The following SYNPO2 variants were observed in gnomAD, a reference collection of about 807,000 sequenced individuals.
SYNPO2 encodes synaptopodin-2.
A neutral mutation model predicts 85.0 loss-of-function variants in SYNPO2; 56 were observed. The observed-to-expected ratio is 0.66, with a 90% CI of 0.53 to 0.82. The LOEUF is 0.82. SYNPO2 is among the 40% of genes least tolerant of loss of function. The pLI is 0.00. For synonymous variants in SYNPO2, 602 were observed against 591.1 expected, an observed-to-expected ratio of 1.02 and a Z score of -0.27; for missense variants, 1,575 against 1,534.2, an observed-to-expected ratio of 1.03 and a Z score of -0.44.
chr4:119,008,559 T>C (rs1421240212), intron 1 of SYNPO2, among the ~76,000 whole-genome samples: 1 of 152,160 alleles, frequency 6.6e-6, no homozygotes, highest in African/African-American at 2.4e-5. Flanking sequence ...GAACATTTAT[T>C]TGAAAAGAAA....
At chr4:118,870,943 A>G (rs1159281054) in intron 1 of SYNPO2, among the ~76,000 whole-genome samples, 1 of 152,234 alleles carries the variant, frequency 6.6e-6, no homozygotes, top group Non-Finnish European at 1.5e-5. Flanking sequence ...TTTATCACTC[A>G]CAGCAAGCTC....
chr4:118,975,210 A>G (rs780338436), intron 1 of SYNPO2, among the ~76,000 whole-genome samples: 1 of 152,202 alleles, frequency 6.6e-6, no homozygotes, highest in African/African-American at 2.4e-5. Flanking sequence ...TCATTGGGCT[A>G]AAGGAGCTAG....
chr4:118,940,226 C>T (rs1285828757), intron 1 of SYNPO2, among the ~76,000 whole-genome samples: 11 of 151,878 alleles, frequency 7.2e-5, no homozygotes, highest in Non-Finnish European at 1.5e-4. Context: ...CCTCATGATC[C>T]GTCCGTCTCA....
intron 1 of SYNPO2, among the ~76,000 whole-genome samples, chr4:119,013,376 G>C (rs1390252081): frequency 6.6e-6 from 1 of 152,126 alleles, no homozygotes; most frequent in East Asian, 1.9e-4. Context: ...AAAGCACTTT[G>C]GCTGGATACT....
intron 1 of SYNPO2, among the ~76,000 whole-genome samples, chr4:118,900,783 CTATA>C (rs1732729481): frequency 7.2e-6 from 1 of 139,388 alleles, no homozygotes; most frequent in Non-Finnish European, 1.5e-5. Flanking sequence ...ATCTATCTAT[CTATA>C]GATATTTGTC....
In SYNPO2 at chr4:119,027,415, A is replaced by C. The variant is rs1371603249; in HGVS notation, c.1046A>C (p.His349Pro). Reference sequence around the variant, plus strand: ...TCGGAAAAAGATCACAGCAGACCTCACAAGCACCGAGCGCGGCATGCACGT... The same window carrying C: ...TCGGAAAAAGATCACAGCAGACCTCCCAAGCACCGAGCGCGGCATGCACGT... ...PRSEKDHSRP[H>P]KHRARHARLR... is the part of the protein sequence containing the mutation. Residue 349 changes from histidine (H) to proline (P), a missense_variant, in exon 3 of 5, where the codon CAC becomes CCC. Transcript: ENST00000307142. 6.2e-7 allele frequency: 1 copy of C among 1,603,370 alleles called. No homozygotes were observed. The highest frequency in any genetic ancestry group is 1.3e-5 in the African/African-American group (1 of 74,694).
chr4:118,903,787 C>G (rs985397711), intron 1 of SYNPO2, among the ~76,000 whole-genome samples: 1 of 151,994 alleles, frequency 6.6e-6, no homozygotes, highest in Non-Finnish European at 1.5e-5. Flanking sequence ...TCTCGGCTCA[C>G]TGCAACCTCT....
chr4:119,034,308 G>A (rs1380786469), intron 4 of SYNPO2: 6 of 984,110 alleles, frequency 6.1e-6, no homozygotes, highest in Non-Finnish European at 7.2e-6. Flanking sequence ...GTCGGTTTGA[G>A]ATCATCGGCT....
chr4:119,022,772 T>TTA (rs1450805138), intron 1 of SYNPO2, among the ~76,000 whole-genome samples: 1 of 102,826 alleles, frequency 9.7e-6, no homozygotes, highest in Non-Finnish European at 2.2e-5. Context: ...ATATTTTATT[T>TTA]TATTTTATTT....
At position 118,883,013 on chromosome 4, in the gene SYNPO2, G is replaced by A. The variant is rs376209726; in HGVS notation, c.12+32073G>A. 3.3e-5 allele frequency among the ~76,000 whole-genome samples: 5 copies of A among 150,740 alleles called. 1 individual carries two copies. The highest frequency in any genetic ancestry group is 3.9e-4 in the East Asian group (2 of 5,144). The stretch of plus-strand genomic sequence containing the variant: ...CCTGACCTCGTGATCCGCCCTCCTC[G>A]GCCTCCCAAAGTGCTGGGATCACAG... On this transcript the variant is annotated intron_variant, in intron 1 of 4. Coordinates refer to the SYNPO2 transcript ENST00000610556.
chr4:118,869,402 C>T (rs1731761415), intron 1 of SYNPO2, among the ~76,000 whole-genome samples: 2 of 152,144 alleles, frequency 1.3e-5, no homozygotes, highest in Admixed American at 6.5e-5. Flanking sequence ...TGTCACTCTA[C>T]TTGTTAGTCA....
At chr4:118,877,682 T>C (rs761375264) in intron 1 of SYNPO2, among the ~76,000 whole-genome samples, 4 of 152,176 alleles carry the variant, frequency 2.6e-5, no homozygotes, top group African/African-American at 4.8e-5. Flanking sequence ...TCAGAATGGC[T>C]ATTATTAAAA....
intron 1 of SYNPO2, among the ~76,000 whole-genome samples, chr4:118,878,119 A>G (rs1280086075): frequency 6.6e-6 from 1 of 152,198 alleles, no homozygotes; most frequent in Non-Finnish European, 1.5e-5. Flanking sequence ...AAAACCAAGT[A>G]TCGCATGTTC....
intron 1 of SYNPO2, among the ~76,000 whole-genome samples, chr4:118,960,039 CCA>C (rs1735023335): frequency 6.6e-6 from 1 of 152,120 alleles, no homozygotes; most frequent in Non-Finnish European, 1.5e-5. Context: ...GGCAATGTGA[CCA>C]CAGAGGTAGA....
chr4:118,996,927 A>C (rs948085545), intron 1 of SYNPO2, among the ~76,000 whole-genome samples: 1 of 151,000 alleles, frequency 6.6e-6, no homozygotes, highest in Non-Finnish European at 1.5e-5. Flanking sequence ...AAAAGAAGTC[A>C]ATTAATTTTG....
chr4:118,946,687 G>T (rs189897570), intron 1 of SYNPO2, among the ~76,000 whole-genome samples: 2 of 152,150 alleles, frequency 1.3e-5, no homozygotes, highest in Admixed American at 1.3e-4. Context: ...GATTAATATT[G>T]TTAGAGATTG....
chr4:118,960,680 A>G (rs1016171949), intron 1 of SYNPO2, among the ~76,000 whole-genome samples: 4 of 152,046 alleles, frequency 2.6e-5, no homozygotes, highest in African/African-American at 9.7e-5. Flanking sequence ...TGGCTAGGAT[A>G]ATTTTTTAAT....
chr4:119,030,224 G>A lies in SYNPO2; in HGVS notation c.1449G>A (p.Met483Ile), dbSNP rs759691705. 9 of 1,614,038 alleles carry A rather than the reference G, an allele frequency of 5.6e-6. No homozygotes were observed. In the East Asian group the frequency reaches 8.9e-5, roughly 16 times the overall value. Residue 483 changes from methionine to isoleucine, a missense_variant, in exon 4 of 5, where the codon ATG (methionine) becomes ATA (isoleucine). Physicochemically the swap from Met to Ile is conservative, Grantham distance 10. Coordinates refer to ENST00000307142, the MANE Select transcript of SYNPO2 (RefSeq NM_133477.3). ...TGAACAGAGGGGACAAGATGGAGAT[G>A]TTACCAGACACCACAGGCAAGGGAG... is the stretch of plus-strand genomic sequence containing the variant. The part of the protein sequence containing the change: ...KKLNRGDKME[M>I]LPDTTGKGAL...
At chr4:118,991,270 C>A (rs543113373) in intron 1 of SYNPO2, among the ~76,000 whole-genome samples, 2 of 152,162 alleles carry the variant, frequency 1.3e-5, no homozygotes, top group Non-Finnish European at 2.9e-5. Flanking sequence ...GCCTCAGCCT[C>A]CTGAGTAGCT....
Sources: allele counts gnomAD v4.1 joint callset (sites outside exome capture counted in the v4.1 genomes callset), GRCh38; gene constraint gnomAD v4.1.1; transcripts MANE v1.5; gene names NCBI Gene and HGNC (gene_info 2026-07-23, HGNC 2026-07-21).